Variants in PGR observed in about 807,000 individuals in gnomAD.
PGR encodes nuclear receptor subfamily 3 group C member 3.
PGR carries 25 observed loss-of-function variants against 76.1 expected under a neutral mutation model. The ratio of observed to expected loss-of-function variants is 0.33; its 90% CI spans 0.24 to 0.46. PGR has a LOEUF of 0.46. Ranked by LOEUF, PGR falls within the 20% of genes least tolerant of loss-of-function variation. The pLI is 1.00. For missense variants in PGR, 1,172 were observed against 1,225.3 expected (o/e 0.96, Z 0.65); for synonymous variants, 579 against 535.0 (o/e 1.08, Z -1.14).
chr11:101,090,900 T>C (rs1025001818), intron 3 of PGR, among the ~76,000 whole-genome samples: 1 of 152,220 alleles, frequency 6.6e-6, no homozygotes, highest in Non-Finnish European at 1.5e-5. Flanking sequence ...AAATATAGCA[T>C]TTCCCAAAGG....
At chr11:101,112,299 A>G (rs1862368104) in intron 2 of PGR, among the ~76,000 whole-genome samples, 1 of 152,220 alleles carries the variant, frequency 6.6e-6, no homozygotes, top group Non-Finnish European at 1.5e-5. Context: ...AGATGAGAAA[A>G]GGAAGAGCAT....
chr11:101,065,366 CTT>C (rs944278747), intron 3 of PGR, among the ~76,000 whole-genome samples: 14 of 152,146 alleles, frequency 9.2e-5, no homozygotes, highest in Admixed American at 7.9e-4. Flanking sequence ...TTAAAAACCA[CTT>C]TGTTGTTTTT....
intron 2 of PGR, among the ~76,000 whole-genome samples, chr11:101,121,367 T>C (rs1327680262): frequency 6.6e-6 from 1 of 152,188 alleles, no homozygotes; most frequent in Non-Finnish European, 1.5e-5. Context: ...GCTCTAAATA[T>C]AGAACAAATA....
At chr11:101,109,457 T>C (rs926815500) in intron 2 of PGR, among the ~76,000 whole-genome samples, 5 of 152,186 alleles carry the variant, frequency 3.3e-5, no homozygotes, top group South Asian at 2.1e-4. Context: ...ATAGCTGATA[T>C]GGAGAAACGC....
intron 3 of PGR, among the ~76,000 whole-genome samples, chr11:101,066,381 GTCTC>G (rs1461393909): frequency 6.6e-6 from 1 of 152,150 alleles, no homozygotes; most frequent in African/African-American, 2.4e-5. Flanking sequence ...CACTCTTTCA[GTCTC>G]TCTGTCTAGC....
At position 101,129,747 on chromosome 11, in the gene PGR, C is replaced by T. The variant is rs1156758250; in HGVS notation, c.-677G>A. On this transcript the variant is annotated 5_prime_UTR_variant, in exon 1 of 8. An upstream start codon of the reference 5' UTR is lost. Coordinates refer to ENST00000325455, the MANE Select transcript of PGR (RefSeq NM_000926.4). ...TCAAATGACAAGTGAAGCTAGTTCT[C>T]ATTGAGAATGCCACCCACACGCACA... The T allele has an allele frequency of 5.6e-6, 1 of 180,126 alleles. No homozygotes were observed. Among genetic ancestry groups the T allele is most frequent in the African/African-American group, 2.4e-5 (1 of 42,354 alleles). The allele number at this position is 180,126 out of a possible 1,614,324, so 11.2% of individuals were successfully genotyped here. A position where few individuals can be genotyped will look rare whatever the true frequency, so the allele number is the denominator to read the frequency against.
rs959146125 is a variant in PGR, at chr11:101,034,061, G to A, written c.*5055C>T. On this transcript the variant is annotated 3_prime_UTR_variant, in exon 8 of 8. Transcript: ENST00000325455. ...TAATAATCTGTGCATTTTCTTTACC[G>A]TAATGGACAGAGTATGCTTTCTTAG... is the stretch of plus-strand genomic sequence containing the variant. 2.6e-5 allele frequency: 6 copies of A among 231,018 alleles called. No individual in the cohort carries two copies. The highest frequency in any genetic ancestry group is 4.3e-5 in the Non-Finnish European group (5 of 116,792). 14.3% of individuals were successfully genotyped at this position (231,018 alleles called of 1,614,324 possible). A position where few individuals can be genotyped will look rare whatever the true frequency, so the allele number is the denominator to read the frequency against.
intron 3 of PGR, among the ~76,000 whole-genome samples, chr11:101,091,244 G>A (rs568297797): frequency 2.2e-4 from 34 of 152,196 alleles, no homozygotes; most frequent in Middle Eastern, 6.8e-3. Flanking sequence ...ATGGGAAAAG[G>A]GAATTATTAA....
intron 2 of PGR, among the ~76,000 whole-genome samples, chr11:101,113,613 T>TAG (rs1042243430): frequency 1.3e-5 from 2 of 152,120 alleles, no homozygotes; most frequent in Non-Finnish European, 2.9e-5. Flanking sequence ...CTTGTCATCA[T>TAG]AGGAAAGGTC....
intron 6 of PGR, among the ~76,000 whole-genome samples, chr11:101,048,820 G>A (rs926368286): frequency 2.7e-4 from 41 of 151,990 alleles, no homozygotes; most frequent in African/African-American, 9.2e-4. Flanking sequence ...TTACCTTACC[G>A]TAACTTTTTT....
chr11:101,043,020 C>G (rs1014751900), intron 6 of PGR, among the ~76,000 whole-genome samples: 1 of 152,128 alleles, frequency 6.6e-6, no homozygotes. Flanking sequence ...GTGGCTATGA[C>G]AGTTTCTCAA....
intron 3 of PGR, among the ~76,000 whole-genome samples, chr11:101,090,451 G>A (rs538915): frequency 0.13 from 19,776 of 152,202 alleles, 1,340 homozygotes; most frequent in East Asian, 0.19. Flanking sequence ...CAATGGCTGC[G>A]CCAGGGTCAG....
At chr11:101,083,244 T>A (rs1861370146) in intron 3 of PGR, among the ~76,000 whole-genome samples, 1 of 152,128 alleles carries the variant, frequency 6.6e-6, no homozygotes, top group Non-Finnish European at 1.5e-5. Flanking sequence ...AGAGTTGAGG[T>A]TTGGAAACCT....
intron 3 of PGR, among the ~76,000 whole-genome samples, chr11:101,081,441 AT>A (rs1861305150): frequency 6.6e-6 from 1 of 151,114 alleles, no homozygotes; most frequent in African/African-American, 2.4e-5. Context: ...AAAAAAAAAA[AT>A]CACCAAGGTA....
rs546288435 is a variant in PGR, at chr11:101,032,167, G to T, written c.*6949C>A. 64 of 232,676 alleles carry T rather than the reference G, an allele frequency of 2.8e-4. No individual in the cohort carries two copies. The South Asian group carries it at 0.012, about 42-fold the overall frequency. 14.4% of individuals were successfully genotyped at this position (232,676 alleles called of 1,614,324 possible). A position where few individuals can be genotyped will look rare whatever the true frequency, so the allele number is the denominator to read the frequency against. On this transcript the variant is annotated 3_prime_UTR_variant, in exon 8 of 8. Coordinates refer to ENST00000325455, the MANE Select transcript of PGR (RefSeq NM_000926.4). ...TATATGGTGTATTTCATCTCCTTTC[G>T]TCAGTCCTGTCAATGTTCCTATGTT...
intron 2 of PGR, among the ~76,000 whole-genome samples, chr11:101,095,344 A>G (rs1486894598): frequency 6.6e-6 from 1 of 152,206 alleles, no homozygotes; most frequent in Non-Finnish European, 1.5e-5. Flanking sequence ...CAGAGGCCAG[A>G]CTGCTTGTTC....
At position 101,129,323 on chromosome 11, in the gene PGR, C is replaced by G; in HGVS notation, c.-253G>C. On this transcript the variant is annotated 5_prime_UTR_variant, in exon 1 of 8. Transcript: ENST00000325455. ...CCCAGCGAGCGGCAAGTGGGGAGCG[C>G]AAGAAAAAGTAGTAATTGTTAGGAG... is the stretch of plus-strand genomic sequence containing the variant. 2.1e-6 allele frequency: 1 copy of G among 481,156 alleles called. No individual in the cohort carries two copies. Among genetic ancestry groups the G allele is most frequent in the Non-Finnish European group, 3.7e-6 (1 of 273,276 alleles). The allele number at this position is 481,156 out of a possible 1,614,324, so 29.8% of individuals were successfully genotyped here.
chr11:101,046,893 C>G (rs504402), intron 6 of PGR, among the ~76,000 whole-genome samples: 9 of 151,730 alleles, frequency 5.9e-5, no homozygotes, highest in African/African-American at 2.2e-4. Context: ...TATTAATTAA[C>G]AGCAGCTTTC....
rs561497520 is a variant in PGR, at chr11:101,071,314, T to A, written c.1907-8562A>T. 4.6e-5 allele frequency among the ~76,000 whole-genome samples: 7 copies of A among 152,088 alleles called. No homozygotes were observed. In the East Asian group the frequency reaches 1.4e-3, roughly 30 times the overall value. ...AAAGGATGTCCACACAAAAACCCCA[T>A]CTGAAGGTCACCAACATCAAAGACC... On this transcript the variant is annotated intron_variant, in intron 3 of 7. Transcript: ENST00000325455.
Sources: allele counts gnomAD v4.1 joint callset (sites outside exome capture counted in the v4.1 genomes callset), GRCh38; gene constraint gnomAD v4.1.1; transcripts MANE v1.5; gene names NCBI Gene and HGNC (gene_info 2026-07-23, HGNC 2026-07-21).